HPF1: variants seen among roughly 807,000 people sequenced by gnomAD.
The protein encoded by HPF1 is UPF0609 protein C4orf27.
Under a neutral mutation model 38.8 loss-of-function variants are expected in HPF1, and 35 were observed. The observed-to-expected ratio is 0.90, with a 90% CI of 0.69 to 1.19. The LOEUF (loss-of-function observed/expected upper bound fraction) is 1.19, where lower values mean the gene tolerates loss of function less well. HPF1 is among the 50% of genes most tolerant of loss of function. HPF1 has a pLI of 0.00. For synonymous variants in HPF1, 115 were observed against 139.2 expected (o/e 0.83, Z 1.22); for missense variants, 367 against 405.8 (o/e 0.90, Z 0.82).
At chr4:169,744,948 C>T (rs551342338) in intron 4 of HPF1, among the ~76,000 whole-genome samples, 1 of 90,202 alleles carries the variant, frequency 1.1e-5, no homozygotes, top group Admixed American at 1.3e-4. Context: ...TTTTATAGTA[C>T]TGACTGTACA....
chr4:169,737,598 A>G (rs1733914377), intron 6 of HPF1, 62 bp downstream of exon 6: 2 of 1,072,016 alleles, frequency 1.9e-6, no homozygotes, highest in African/African-American at 3.1e-5. Flanking sequence ...TTCCCAATAT[A>G]AGCAAAACCT....
Position 169,731,840 on chromosome 4 carries a change from G to A in HPF1, c.773C>T (p.Ala258Val), listed in dbSNP as rs771773560. 2.5e-6 allele frequency: 4 copies of A among 1,613,494 alleles called. No individual in the cohort carries two copies. Among genetic ancestry groups the A allele is most frequent in the Admixed American group, 1.7e-5 (1 of 59,984 alleles). Residue 258 changes from alanine (A) to valine (V), a missense_variant, in exon 7 of 8, where the codon GCT becomes GTT. Physicochemically the swap from Ala to Val is moderately conservative, Grantham distance 64 (BLOSUM62 0). Coordinates refer to ENST00000393381, the MANE Select transcript of HPF1 (RefSeq NM_017867.3). ...TTTTAGTCTCTCCTCATCACTTGCAGCCTCAACTATTGTCTTGCAAATTCT... is the reference window on the plus strand; with the variant it reads ...TTTTAGTCTCTCCTCATCACTTGCAACCTCAACTATTGTCTTGCAAATTCT... ...LKRICKTIVE[A>V]ASDEERLKAF... is the part of the protein sequence containing the mutation.
chr4:169,729,522 T>A lies in HPF1; in HGVS notation c.*56A>T. 3 of 1,303,312 alleles carry A rather than the reference T, an allele frequency of 2.3e-6. No individual in the cohort carries two copies. Among genetic ancestry groups the A allele is most frequent in the South Asian group, 5.2e-5 (2 of 38,284 alleles). 80.7% of individuals were successfully genotyped at this position (1,303,312 alleles called of 1,614,324 possible). A position where few individuals can be genotyped will look rare whatever the true frequency, so the allele number is the denominator to read the frequency against. ...GTATTCCTTAAAAACAAAACAAAAA[T>A]CACAAGTTTAATACTAGTCCTTTGA... On this transcript the variant is annotated 3_prime_UTR_variant, in exon 8 of 8. Coordinates refer to ENST00000393381, the MANE Select transcript of HPF1 (RefSeq NM_017867.3).
intron 5 of HPF1, among the ~76,000 whole-genome samples, chr4:169,739,438 A>G (rs1333631610): frequency 6.6e-6 from 1 of 152,092 alleles, no homozygotes; most frequent in Non-Finnish European, 1.5e-5. Flanking sequence ...AAAAAAAAAT[A>G]CAATGGCCAA....
intron 1 of HPF1, among the ~76,000 whole-genome samples, chr4:169,754,576 T>C (rs1157535548): frequency 6.6e-6 from 1 of 152,166 alleles, no homozygotes; most frequent in East Asian, 1.9e-4. Flanking sequence ...GTAAAGACAA[T>C]ATGCTTAATT....
At chr4:169,747,800 T>G (rs1734068235) in intron 4 of HPF1, among the ~76,000 whole-genome samples, 1 of 152,218 alleles carries the variant, frequency 6.6e-6, no homozygotes, top group South Asian at 2.1e-4. Flanking sequence ...GAGGCTGTGC[T>G]TCCACGATCT....
Position 169,737,654 on chromosome 4 carries a change from C to T in HPF1, c.736+6G>A, listed in dbSNP as rs1453722431. On this transcript the variant is annotated splice_donor_region_variant and intron_variant, in intron 6 of 7. Coordinates refer to ENST00000393381, the MANE Select transcript of HPF1 (RefSeq NM_017867.3). ...ATATGCACATGTTTACTATGAAATA[C>T]ATTACCATCTGTTTCAGGGAGCTCT... is the stretch of plus-strand genomic sequence containing the variant. 3.3e-6 allele frequency: 5 copies of T among 1,536,646 alleles called. No homozygotes were observed. The South Asian group carries it at 3.4e-5, about 10-fold the overall frequency.
intron 4 of HPF1, among the ~76,000 whole-genome samples, chr4:169,742,391 T>C (rs185685991): frequency 2.0e-5 from 3 of 152,326 alleles, no homozygotes; most frequent in Admixed American, 2.0e-4. Flanking sequence ...AAGCTGAGAT[T>C]AGTCAAGGTT....
chr4:169,742,562 G>A (rs1385016599), intron 4 of HPF1, among the ~76,000 whole-genome samples: 2 of 152,216 alleles, frequency 1.3e-5, no homozygotes, highest in Admixed American at 6.5e-5. Context: ...GGAGGCCAAG[G>A]CGGGCGGATC....
chr4:169,757,740 G>T, intron 1 of HPF1, 90 bp downstream of exon 1: 2 of 1,218,286 alleles, frequency 1.6e-6, no homozygotes, highest in South Asian at 1.3e-5. Context: ...AAGCTTAATA[G>T]TCACTGGATG....
intron 4 of HPF1, among the ~76,000 whole-genome samples, chr4:169,743,540 C>G (rs543849599): frequency 2.0e-5 from 3 of 148,296 alleles, no homozygotes; most frequent in Admixed American, 1.4e-4. Context: ...AAAAGGAAAG[C>G]AAAGCTACTT....
At chr4:169,752,568 C>A (rs72698203) in intron 2 of HPF1, among the ~76,000 whole-genome samples, 1 of 152,106 alleles carries the variant, frequency 6.6e-6, no homozygotes, top group Admixed American at 6.6e-5. Context: ...TGTGTACTCT[C>A]TCTCCCCCAT....
chr4:169,752,633 C>T (rs1734134522), intron 2 of HPF1, among the ~76,000 whole-genome samples: 1 of 152,126 alleles, frequency 6.6e-6, no homozygotes, highest in Admixed American at 6.5e-5. Flanking sequence ...TTCTTTTTCA[C>T]TTAACATATT....
rs570502904 is a variant in HPF1 at position 169,756,353 on chromosome 4, T to G, written c.48+1477A>C. Among the ~76,000 whole-genome samples, 9 of 152,318 alleles carry G rather than the reference T, an allele frequency of 5.9e-5. No homozygotes were observed. In the East Asian group the frequency reaches 1.7e-3, roughly 29 times the overall value. ...TCCTCAACCACTTCACTATGCTGCT[T>G]CTCCAACATCAAATATAGAACAGTA... On this transcript the variant is annotated intron_variant, in intron 1 of 7. Coordinates refer to ENST00000393381, the MANE Select transcript of HPF1 (RefSeq NM_017867.3).
intron 2 of HPF1, among the ~76,000 whole-genome samples, 177 bp downstream of exon 2, chr4:169,753,499 T>C (rs995635212): frequency 2.6e-5 from 4 of 152,204 alleles, no homozygotes; most frequent in African/African-American, 9.7e-5. Flanking sequence ...TTTTTTGTTT[T>C]TGTTTTTAAT....
intron 1 of HPF1, 56 bp from the exon 2 acceptor site, chr4:169,753,891 A>T: frequency 7.4e-7 from 1 of 1,357,454 alleles, no homozygotes; most frequent in Non-Finnish European, 1.0e-6. Context: ...CTCCTTGCAT[A>T]ACAGTATCTA....
chr4:169,732,640 C>T (rs1293826295), intron 6 of HPF1, among the ~76,000 whole-genome samples: 1 of 151,996 alleles, frequency 6.6e-6, no homozygotes, highest in Non-Finnish European at 1.5e-5. Flanking sequence ...ATTATGTAGC[C>T]CACAAAGTGT....
intron 7 of HPF1, 62 bp downstream of exon 7, chr4:169,731,634 GTGGATGTA>G (rs1733829938): frequency 8.4e-7 from 1 of 1,188,690 alleles, no homozygotes; most frequent in Admixed American, 2.7e-5. Flanking sequence ...GTATTCATGT[GTGGATGTA>G]TGTCGCGGGG....
intron 7 of HPF1, among the ~76,000 whole-genome samples, chr4:169,731,256 A>G (rs1267218561): frequency 2.0e-5 from 3 of 152,246 alleles, no homozygotes; most frequent in Non-Finnish European, 4.4e-5. Flanking sequence ...TAAAGCTTAA[A>G]TAATTTAAAG....
Sources: allele counts gnomAD v4.1 joint callset (sites outside exome capture counted in the v4.1 genomes callset), GRCh38; gene constraint gnomAD v4.1.1; transcripts MANE v1.5; gene names NCBI Gene and HGNC (gene_info 2026-07-23, HGNC 2026-07-21).